Variants in RAP1A observed in about 807,000 individuals in gnomAD.
RAP1A encodes the protein RAP1A, member of RAS oncogene family.
RAP1A carries 6 observed loss-of-function variants against 26.4 expected under a neutral mutation model. The observed-to-expected ratio is 0.23, with a 90% confidence interval of 0.12 to 0.45. The LOEUF (loss-of-function observed/expected upper bound fraction) is 0.45. RAP1A is among the 20% of genes least tolerant of loss of function. The pLI is 0.99. For synonymous variants in RAP1A, 73 were observed against 79.4 expected (o/e 0.92, Z 0.43); for missense variants, 121 against 217.2 (o/e 0.56, Z 2.78).
At chr1:111,617,670 G>A (rs903053757), upstream of RAP1A, among the ~76,000 whole-genome samples, 2 of 151,442 alleles carry the variant, frequency 1.3e-5, no homozygotes, top group African/African-American at 2.4e-5. Flanking sequence ...TCCTGACCTC[G>A]TGATCCACCC....
intron 1 of RAP1A, among the ~76,000 whole-genome samples, chr1:111,677,583 T>C (rs1661167553): frequency 6.6e-6 from 1 of 152,190 alleles, no homozygotes; most frequent in South Asian, 2.1e-4. Flanking sequence ...CAAAGGTGGT[T>C]CACTAACATA....
intron 1 of RAP1A, among the ~76,000 whole-genome samples, chr1:111,636,448 A>G (rs959934669): frequency 6.6e-6 from 1 of 151,994 alleles, no homozygotes; most frequent in Non-Finnish European, 1.5e-5. Context: ...ATAATGAACA[A>G]TAAGGTGTGT....
At chr1:111,578,077 T>C (rs1315263398) in intron 1 of RAP1A, among the ~76,000 whole-genome samples, 2 of 152,198 alleles carry the variant, frequency 1.3e-5, no homozygotes, top group Non-Finnish European at 2.9e-5. Context: ...AAGCAGAGCA[T>C]GTTTACTTTT....
chr1:111,704,760 C>T lies in RAP1A; in HGVS notation c.468+274C>T, dbSNP rs781392078. On this transcript the variant is annotated intron_variant, in intron 6 of 7. Transcript: ENST00000369709. ...TCCTGCTAAGCCTCTAAGTGATATGCGATAAAGTGGTGTGTAAAAATTGTT... is the reference window on the plus strand; with the variant it reads ...TCCTGCTAAGCCTCTAAGTGATATGTGATAAAGTGGTGTGTAAAAATTGTT... Among the ~76,000 whole-genome samples the T allele has an allele frequency of 4.9e-4, 75 of 152,052 alleles. 1 individual carries two copies. Among genetic ancestry groups the T allele is most frequent in the Admixed American group, 3.3e-4 (5 of 15,280 alleles).
chr1:111,640,106 A>T (rs1571518454), intron 1 of RAP1A, among the ~76,000 whole-genome samples: 1 of 152,152 alleles, frequency 6.6e-6, no homozygotes, highest in Admixed American at 6.5e-5. Context: ...TATCACTTAG[A>T]CCTTTGGCCA....
At chr1:111,647,120 C>T (rs7535083) in intron 1 of RAP1A, among the ~76,000 whole-genome samples, 8,450 of 152,150 alleles carry the variant, frequency 0.056, 255 homozygotes, top group East Asian at 0.065. Context: ...AGGTAAGCAG[C>T]GTTGAGTGTT....
At chr1:111,641,666 G>C (rs1288145583) in intron 1 of RAP1A, among the ~76,000 whole-genome samples, 1 of 151,972 alleles carries the variant, frequency 6.6e-6, no homozygotes, top group Non-Finnish European at 1.5e-5. Context: ...CATGCACATA[G>C]GTCTTTGTAA....
At chr1:111,549,261 T>TA (rs1657156751) in intron 1 of RAP1A, among the ~76,000 whole-genome samples, 1 of 152,088 alleles carries the variant, frequency 6.6e-6, no homozygotes, top group East Asian at 1.9e-4. Flanking sequence ...TAAGGATAAT[T>TA]ATTTGAAAAT....
At chr1:111,612,723 T>C (rs1474605162) in intron 1 of RAP1A, among the ~76,000 whole-genome samples, 1 of 152,238 alleles carries the variant, frequency 6.6e-6, no homozygotes, top group Non-Finnish European at 1.5e-5. Context: ...CGAAAAGTAA[T>C]TGTCTATTTA....
chr1:111,674,472 A>T (rs772569855), intron 1 of RAP1A, among the ~76,000 whole-genome samples: 17 of 152,054 alleles, frequency 1.1e-4, no homozygotes, highest in Non-Finnish European at 1.9e-4. Flanking sequence ...TATGGTTTCA[A>T]TGCTACCATC....
upstream of RAP1A, among the ~76,000 whole-genome samples, chr1:111,616,456 G>A (rs1436374458): frequency 1.3e-5 from 2 of 152,104 alleles, no homozygotes; most frequent in East Asian, 1.9e-4. Context: ...CAGATGCTTT[G>A]TGCTTCCTGT....
chr1:111,664,787 C>G (rs1210020498), intron 1 of RAP1A, among the ~76,000 whole-genome samples: 4 of 152,176 alleles, frequency 2.6e-5, no homozygotes, highest in African/African-American at 9.7e-5. Flanking sequence ...GGCTTTTCTT[C>G]CTAGATATGT....
intron 1 of RAP1A, among the ~76,000 whole-genome samples, chr1:111,560,369 G>T (rs1447593549): frequency 6.6e-6 from 1 of 151,858 alleles, no homozygotes; most frequent in Non-Finnish European, 1.5e-5. Flanking sequence ...AAGGCCTAAG[G>T]CAGGGGCTGA....
In RAP1A at chr1:111,552,854, G is replaced by C. The variant is rs11102306; in HGVS notation, c.-28+10345G>C. On this transcript the variant is annotated intron_variant, in intron 1 of 7. Transcript: ENST00000356415. ...ATGAGGATTAAATGAGTTAACACTTGTCAAGTGATTAGTACTAGGCCTGCA... is the reference window on the plus strand; with the variant it reads ...ATGAGGATTAAATGAGTTAACACTTCTCAAGTGATTAGTACTAGGCCTGCA... 9.3e-3 allele frequency among the ~76,000 whole-genome samples: 1,416 copies of C among 152,300 alleles called. 17 individuals are homozygous for C. Among genetic ancestry groups the C allele is most frequent in the African/African-American group, 0.032 (1,315 of 41,546 alleles).
At chr1:111,697,573 C>T (rs1661875681) in intron 4 of RAP1A, 76 bp downstream of exon 4, 2 of 1,581,086 alleles carry the variant, frequency 1.3e-6, no homozygotes, top group Non-Finnish European at 8.6e-7. Flanking sequence ...TTTTGTCATC[C>T]AGATAATTCT....
At chr1:111,563,163 T>C (rs1045303221) in intron 1 of RAP1A, among the ~76,000 whole-genome samples, 7 of 152,144 alleles carry the variant, frequency 4.6e-5, no homozygotes, top group Non-Finnish European at 1.0e-4. Context: ...TAGTTCCAGC[T>C]ACTCAGGTGG....
In RAP1A at chr1:111,628,959, T is replaced by TTTTCCCTA. The variant is rs1659483470; in HGVS notation, c.-28+9026_-28+9027insTTCCCTAT. The stretch of plus-strand genomic sequence containing the variant: ...ATATGTACAATCTCCTGCAGTAATT[T>TTTTCCCTA]TATTTAGTTAGCATTTTGAGTTCTT... On this transcript the variant is annotated intron_variant, in intron 1 of 7. Coordinates refer to ENST00000369709, the MANE Select transcript of RAP1A (RefSeq NM_002884.4). Among the ~76,000 whole-genome samples, 4 of 152,308 alleles carry TTTTCCCTA rather than the reference T, an allele frequency of 2.6e-5. No individual in the cohort carries two copies. In the South Asian group the frequency reaches 8.3e-4, roughly 32 times the overall value.
intron 1 of RAP1A, among the ~76,000 whole-genome samples, chr1:111,576,505 TAAA>T (rs1658149987): frequency 6.6e-6 from 1 of 152,110 alleles, no homozygotes; most frequent in Non-Finnish European, 1.5e-5. Flanking sequence ...CAGGGGAAAA[TAAA>T]GAAAACATTC....
intron 2 of RAP1A, among the ~76,000 whole-genome samples, chr1:111,692,183 G>A (rs2300544): frequency 0.14 from 20,934 of 152,096 alleles, 1,747 homozygotes; most frequent in Middle Eastern, 0.23. Context: ...TAGGAGAGAA[G>A]GAGCTGTCAA....
Sources: allele counts gnomAD v4.1 joint callset (sites outside exome capture counted in the v4.1 genomes callset), GRCh38; gene constraint gnomAD v4.1.1; transcripts MANE v1.5; gene names NCBI Gene and HGNC (gene_info 2026-07-23, HGNC 2026-07-21).